The following ITGA4 variants were observed in gnomAD, a reference collection of about 807,000 sequenced individuals.
The protein encoded by ITGA4 is integrin subunit alpha 4, also known as integrin alpha-4.
Under a neutral mutation model 133.6 loss-of-function variants are expected in ITGA4, and 63 were observed. That is an observed-to-expected ratio of 0.47 (90% CI 0.38 to 0.58). The LOEUF (loss-of-function observed/expected upper bound fraction) is 0.58. Ranked by LOEUF, ITGA4 falls within the 20% of genes least tolerant of loss-of-function variation. The probability of loss-of-function intolerance (pLI) is 0.00; values close to 1 mark genes in which losing one functional copy is unlikely to be tolerated. For missense variants in ITGA4, 1,076 were observed against 1,252.7 expected (o/e 0.86, Z 2.13); for synonymous variants, 483 against 438.0 (o/e 1.10, Z -1.28).
At chr2:181,489,761 C>T (rs958468094) in intron 10 of ITGA4, among the ~76,000 whole-genome samples, 11 of 152,144 alleles carry the variant, frequency 7.2e-5, no homozygotes, top group Admixed American at 5.9e-4. Flanking sequence ...AAATAACATA[C>T]ATTTTTACCC....
chr2:181,465,540 T>C (rs1316772760), intron 2 of ITGA4, among the ~76,000 whole-genome samples: 1 of 152,160 alleles, frequency 6.6e-6, no homozygotes, highest in Non-Finnish European at 1.5e-5. Flanking sequence ...ATTTTCTTGT[T>C]TCAAAGATAG....
Position 181,523,330 on chromosome 2 carries a change from G to A in ITGA4, c.2074-107G>A. Reference sequence around the variant, plus strand: ...AATAGAAAATAGTTTTCCTAGAAAAGCAAATACTTCTGGGATGATATTCTT... The same window carrying A: ...AATAGAAAATAGTTTTCCTAGAAAAACAAATACTTCTGGGATGATATTCTT... On this transcript the variant is annotated intron_variant, in intron 18 of 27. Coordinates refer to ENST00000397033, the MANE Select transcript of ITGA4 (RefSeq NM_000885.6). This position sits in a 1 kb window ranked among gnomAD's most constrained non-coding sequence, Gnocchi z 4.2. 1.5e-6 allele frequency: 1 copy of A among 649,426 alleles called. No homozygotes were observed. Among genetic ancestry groups the A allele is most frequent in the Non-Finnish European group, 2.7e-6 (1 of 365,456 alleles). The allele number at this position is 649,426 out of a possible 1,614,324, so 40.2% of individuals were successfully genotyped here.
Position 181,511,574 on chromosome 2 carries a change from G to A in ITGA4, c.1846-125G>A, listed in dbSNP as rs1291706331. ...AACTTTTTAAAAGAGATAAAATAAA[G>A]AGTTGTCAATTTGATGTATCAATTT... On this transcript the variant is annotated intron_variant, in intron 16 of 27. Coordinates refer to ENST00000397033, the MANE Select transcript of ITGA4 (RefSeq NM_000885.6). 1.1e-5 allele frequency: 6 copies of A among 567,966 alleles called. No individual in the cohort carries two copies. In the East Asian group the frequency reaches 1.4e-4, roughly 14 times the overall value. The allele number at this position is 567,966 out of a possible 1,614,324, so 35.2% of individuals were successfully genotyped here.
At chr2:181,477,264 A>G (rs1685698226) in intron 4 of ITGA4, among the ~76,000 whole-genome samples, 1 of 152,134 alleles carries the variant, frequency 6.6e-6, no homozygotes, top group South Asian at 2.1e-4. Flanking sequence ...TAAAATTTCT[A>G]GTGGAAAACA....
chr2:181,464,215 G>T (rs1376563657), intron 2 of ITGA4, among the ~76,000 whole-genome samples: 1 of 152,138 alleles, frequency 6.6e-6, no homozygotes, highest in Non-Finnish European at 1.5e-5. Flanking sequence ...AGTAAAGGTT[G>T]CCAAGACATC....
intron 2 of ITGA4, among the ~76,000 whole-genome samples, chr2:181,471,254 G>T (rs1685543509): frequency 6.6e-6 from 1 of 152,032 alleles, no homozygotes; most frequent in East Asian, 1.9e-4. Context: ...GCTTTGAATT[G>T]TTTTTCGTTT....
intron 17 of ITGA4, among the ~76,000 whole-genome samples, chr2:181,518,066 G>C (rs987968479): frequency 6.6e-6 from 1 of 151,866 alleles, no homozygotes; most frequent in African/African-American, 2.4e-5. Flanking sequence ...GGGGGGGCAG[G>C]ATGTGGGACA....
chr2:181,531,196 G>T (rs1177446863), intron 24 of ITGA4, among the ~76,000 whole-genome samples: 1 of 151,974 alleles, frequency 6.6e-6, no homozygotes, highest in Non-Finnish European at 1.5e-5. Flanking sequence ...CATTGTTCCA[G>T]ACCCTTCAGG....
In ITGA4 at chr2:181,509,664, G is replaced by A. The variant is rs201930987; in HGVS notation, c.1702G>A (p.Val568Met). 3.2e-5 allele frequency: 50 copies of A among 1,584,030 alleles called. No individual in the cohort carries two copies. In the Admixed American group the frequency reaches 4.9e-4, roughly 15 times the overall value. ...TGGTGGTTATTTTCCTTAGAAAGAT[G>A]TGCGGGACATCCTCACCCCAATTCA... is the stretch of plus-strand genomic sequence containing the variant. ...RTHQAFMRKD[V>M]RDILTPIQIE... The change falls in exon 16 of 28, where the codon GTG becomes ATG. Residue 568 changes from valine to methionine, a missense_variant. Coordinates refer to ENST00000397033, the MANE Select transcript of ITGA4 (RefSeq NM_000885.6).
At chr2:181,500,171 G>A (rs567230513) in intron 15 of ITGA4, among the ~76,000 whole-genome samples, 2 of 152,130 alleles carry the variant, frequency 1.3e-5, no homozygotes, top group African/African-American at 2.4e-5. Context: ...AGAAATGCTC[G>A]TTTCCTTCAG....
chr2:181,496,043 A>G lies in ITGA4; in HGVS notation c.1540+106A>G, dbSNP rs190959833. 2.9e-5 allele frequency: 32 copies of G among 1,115,826 alleles called. No homozygotes were observed. In the African/African-American group the frequency reaches 3.8e-4, roughly 13 times the overall value. 69.1% of individuals were successfully genotyped at this position (1,115,826 alleles called of 1,614,324 possible). On this transcript the variant is annotated intron_variant, in intron 14 of 27. Coordinates refer to ENST00000397033, the MANE Select transcript of ITGA4 (RefSeq NM_000885.6). The stretch of plus-strand genomic sequence containing the variant: ...GGTTTTCACCACGGAGATCTTCTTT[A>G]GAGCGGGGGAGAGAAGCTACCTGAT...
chr2:181,521,559 T>A, intron 17 of ITGA4, among the ~76,000 whole-genome samples: 1 of 152,184 alleles, frequency 6.6e-6, no homozygotes, highest in East Asian at 1.9e-4. Context: ...TTTACAGCAA[T>A]CTATACTTTG....
In ITGA4 at chr2:181,475,007, G is replaced by C. The variant is rs774236136; in HGVS notation, c.367G>C (p.Asp123His). 5.6e-6 allele frequency: 9 copies of C among 1,614,092 alleles called. No homozygotes were observed. Among genetic ancestry groups the C allele is most frequent in the Middle Eastern group, 1.6e-4 (1 of 6,062 alleles). Residue 123 changes from aspartate to histidine, a missense_variant, in exon 3 of 28, where the codon GAC becomes CAC. By Grantham distance (81) the Asp-to-His change is moderately conservative. Around this residue, in one of 4 missense-constraint regions of ITGA4, gnomAD observed 436 missense variants for 590.7 expected, o/e 0.74. Transcript: ENST00000397033. ...PCGKTCLEER[D>H]NQWLGVTLSR... ...TGGAAAGACTTGTTTGGAAGAGAGA[G>C]ACAATCAGTGGTTGGGGGTCACACT...
intron 9 of ITGA4, among the ~76,000 whole-genome samples, chr2:181,484,705 T>G (rs1179156722): frequency 6.6e-6 from 1 of 152,198 alleles, no homozygotes; most frequent in Non-Finnish European, 1.5e-5. Flanking sequence ...GACTTCAGGA[T>G]CTTTGTGAAG....
chr2:181,530,661 T>C lies in ITGA4; in HGVS notation c.2664+12T>C, dbSNP rs1559058197. On this transcript the variant is annotated intron_variant, in intron 24 of 27. Coordinates refer to ENST00000397033, the MANE Select transcript of ITGA4 (RefSeq NM_000885.6). ...ATAAGAGGCTATTGGTAAGTTTCAG[T>C]TTTTCAGGTTGTAGTTCCTGCTTTC... 1 of 1,605,636 alleles carries C rather than the reference T, an allele frequency of 6.2e-7. No homozygotes were observed. The highest frequency in any genetic ancestry group is 8.5e-7 in the Non-Finnish European group (1 of 1,174,180).
intron 15 of ITGA4, 41 bp downstream of exon 15, chr2:181,498,818 A>G: frequency 6.5e-7 from 1 of 1,547,498 alleles, no homozygotes; most frequent in South Asian, 1.3e-5. Flanking sequence ...TGTGAACTTC[A>G]ACGTTGTTGA....
Position 181,536,880 on chromosome 2 carries a change from T to C in ITGA4, c.*1353T>C, listed in dbSNP as rs759072113. 6 of 452,680 alleles carry C rather than the reference T, an allele frequency of 1.3e-5. No homozygotes were observed. The highest frequency in any genetic ancestry group is 6.9e-5 in the East Asian group (1 of 14,390). 28.0% of individuals were successfully genotyped at this position (452,680 alleles called of 1,614,324 possible). ...GTGGCCGAATTTTGAACATCTGTTATAGGGAGTGATCAAATTAGAAGGCAA... is the reference window on the plus strand; with the variant it reads ...GTGGCCGAATTTTGAACATCTGTTACAGGGAGTGATCAAATTAGAAGGCAA... On this transcript the variant is annotated 3_prime_UTR_variant, in exon 28 of 28. Coordinates refer to ENST00000397033, the MANE Select transcript of ITGA4 (RefSeq NM_000885.6).
At chr2:181,482,311 TA>T in intron 7 of ITGA4, 48 bp from the exon 8 acceptor site, 1 of 1,519,482 alleles carries the variant, frequency 6.6e-7, no homozygotes, top group Non-Finnish European at 8.9e-7. Context: ...AGTGGTGTTT[TA>T]AAAAATGTTA....
At chr2:181,505,954 C>T (rs982991774) in intron 15 of ITGA4, among the ~76,000 whole-genome samples, 1 of 152,016 alleles carries the variant, frequency 6.6e-6, no homozygotes, top group Admixed American at 6.6e-5. Context: ...TCAAGCTGTT[C>T]CGTTTTCACA....
Sources: allele counts gnomAD v4.1 joint callset (sites outside exome capture counted in the v4.1 genomes callset), GRCh38; gene constraint gnomAD v4.1.1; regional missense constraint gnomAD v4.1.1; non-coding constraint Gnocchi (gnomAD v3.1); transcripts MANE v1.5; gene names NCBI Gene and HGNC (gene_info 2026-07-23, HGNC 2026-07-21).